Variants in UBXN8 observed in about 807,000 individuals in gnomAD.
UBXN8 encodes the protein UBX domain protein 8, also known as UBX domain-containing protein 8.
A neutral mutation model predicts 32.1 loss-of-function variants in UBXN8; 27 were observed. That is an observed-to-expected ratio of 0.84 (90% CI 0.62 to 1.16). The LOEUF (loss-of-function observed/expected upper bound fraction) is 1.16, where lower values mean the gene tolerates loss of function less well. Among genes scored for constraint, UBXN8 ranks in the 50% most tolerant of loss-of-function variants. The pLI, the probability that UBXN8 is intolerant of heterozygous loss-of-function variation, is 0.00. For missense variants in UBXN8, 306 were observed against 311.4 expected (o/e 0.98, Z 0.13); for synonymous variants, 109 against 111.8 (o/e 0.98, Z 0.16).
chr8:30,749,524 T>A (rs554823218), intron 1 of UBXN8, among the ~76,000 whole-genome samples: 25 of 151,994 alleles, frequency 1.6e-4, no homozygotes, highest in Admixed American at 3.9e-4. Context: ...AAGCACACAG[T>A]TGCACAATTT....
In UBXN8 at chr8:30,749,405, T is replaced by A. The variant is rs12335062; in HGVS notation, c.89-1991T>A. Among the ~76,000 whole-genome samples, 954 of 136,296 alleles carry A rather than the reference T, an allele frequency of 7.0e-3. 16 individuals are homozygous for A. Among genetic ancestry groups the A allele is most frequent in the African/African-American group, 0.024 (806 of 34,142 alleles). The allele number at this position is 136,296 out of a possible 152,430, so 89.4% of individuals were successfully genotyped here. A position where few individuals can be genotyped will look rare whatever the true frequency, so the allele number is the denominator to read the frequency against. On this transcript the variant is annotated intron_variant, in intron 1 of 7. Transcript: ENST00000265616. ...GAGGCTCCGTCTCAAAAAAAAAAAA[T>A]AAAATAAATAAATAAATAAATAGAC...
At chr8:30,752,999 G>C (rs750843090) in intron 2 of UBXN8, 36 bp from the exon 3 acceptor site, 10 of 1,478,870 alleles carry the variant, frequency 6.8e-6, no homozygotes, top group Non-Finnish European at 9.0e-6. Context: ...AAGATACTTG[G>C]GAAGTAAAAA....
intron 3 of UBXN8, 78 bp downstream of exon 3, chr8:30,753,183 C>A: frequency 1.3e-5 from 18 of 1,377,906 alleles, no homozygotes; most frequent in Non-Finnish European, 1.7e-5. Context: ...AGGGCTGTTG[C>A]TTCTGTCTTG....
chr8:30,739,973 C>T (rs192252605), upstream of UBXN8, among the ~76,000 whole-genome samples: 5 of 152,212 alleles, frequency 3.3e-5, no homozygotes, highest in Admixed American at 2.0e-4. Context: ...ACAAACACAG[C>T]TTACTGCAGC....
upstream of UBXN8, among the ~76,000 whole-genome samples, chr8:30,743,535 T>C (rs183908364): frequency 3.2e-3 from 484 of 152,286 alleles, 2 homozygotes; most frequent in African/African-American, 0.011. Context: ...TGGTGAGTTA[T>C]AGGACGGCAA....
At chr8:30,744,080 G>C, upstream of UBXN8, 1 of 918,750 alleles carries the variant, frequency 1.1e-6, no homozygotes, top group South Asian at 1.5e-5. Context: ...TATTTACCAC[G>C]TTATTGACCC....
chr8:30,738,310 G>GT (rs1197930595), intron 1 of UBXN8, among the ~76,000 whole-genome samples: 2 of 152,098 alleles, frequency 1.3e-5, no homozygotes, highest in Non-Finnish European at 2.9e-5. Context: ...GAGCCTAGGA[G>GT]TTTGAGACCA....
intron 7 of UBXN8, among the ~76,000 whole-genome samples, chr8:30,763,876 A>C (rs188715656): frequency 6.6e-6 from 1 of 152,180 alleles, no homozygotes; most frequent in East Asian, 1.9e-4. Flanking sequence ...CTGTAATCCC[A>C]CCTACTCGGG....
In UBXN8 at chr8:30,735,811, C is replaced by G. The variant is rs139289961; in HGVS notation, c.622+2503C>G. ...CTGAGATCACACTACCGCACCCCAG[C>G]CTGGGGGACAGAGTGAGACTCCGTT... On this transcript the variant is annotated intron_variant, in intron 1 of 1. Transcript: ENST00000522968. 2.7e-3 allele frequency among the ~76,000 whole-genome samples: 405 copies of G among 152,336 alleles called. 4 individuals are homozygous for G. The highest frequency in any genetic ancestry group is 9.3e-3 in the African/African-American group (388 of 41,586).
chr8:30,761,326 C>G (rs564238079), intron 6 of UBXN8, among the ~76,000 whole-genome samples: 4 of 152,010 alleles, frequency 2.6e-5, no homozygotes, highest in Non-Finnish European at 4.4e-5. Flanking sequence ...CTCACTGCAG[C>G]GTCCGCCTCC....
chr8:30,758,894 G>T (rs55891210), intron 5 of UBXN8, among the ~76,000 whole-genome samples: 114,630 of 121,800 alleles, frequency 0.94, 54,081 homozygotes, highest in Non-Finnish European at 0.98. Flanking sequence ...TGTTTTTTTT[G>T]TTTTTTTTTT....
intron 1 of UBXN8, among the ~76,000 whole-genome samples, chr8:30,737,185 G>C (rs1470963938): frequency 6.6e-6 from 1 of 150,722 alleles, no homozygotes; most frequent in Non-Finnish European, 1.5e-5. Flanking sequence ...TGTCATTTCT[G>C]GGTCTGTTTC....
intron 3 of UBXN8, 146 bp from the exon 4 acceptor site, chr8:30,754,519 C>A: frequency 8.7e-7 from 1 of 1,144,264 alleles, no homozygotes; most frequent in Non-Finnish European, 1.2e-6. Flanking sequence ...CGAGCCTCCC[C>A]ACAACCAAGC....
At chr8:30,749,628 CAG>C (rs1805466528) in intron 1 of UBXN8, among the ~76,000 whole-genome samples, 5 of 140,174 alleles carry the variant, frequency 3.6e-5, no homozygotes, top group African/African-American at 5.3e-5. Flanking sequence ...TTTTTTGAGA[CAG>C]AGTCTCTCTC....
chr8:30,739,124 G>T (rs1331863016), intron 1 of UBXN8, among the ~76,000 whole-genome samples: 1 of 150,844 alleles, frequency 6.6e-6, no homozygotes, highest in Non-Finnish European at 1.5e-5. Context: ...GTTGATGGTG[G>T]TGAGGGTAGA....
chr8:30,752,427 C>T (rs1021652499), intron 2 of UBXN8, among the ~76,000 whole-genome samples: 11 of 152,178 alleles, frequency 7.2e-5, no homozygotes, highest in African/African-American at 1.9e-4. Context: ...CTCGCCTCAG[C>T]TTCCCGAGTA....
upstream of UBXN8, among the ~76,000 whole-genome samples, chr8:30,740,096 G>A (rs895099461): frequency 3.3e-4 from 30 of 89,786 alleles, no homozygotes; most frequent in Admixed American, 2.4e-3. Flanking sequence ...TTGTAGAGAT[G>A]GGGTCTCACC....
chr8:30,744,391 C>G (rs1450206528), intron 1 of UBXN8, 114 bp downstream of exon 1: 20 of 1,012,838 alleles, frequency 2.0e-5, no homozygotes, highest in Non-Finnish European at 2.7e-5. Context: ...GACTACAACT[C>G]CCAGACTGCA....
At chr8:30,759,776 G>GGC (rs1563565043) in intron 5 of UBXN8, among the ~76,000 whole-genome samples, 1 of 150,710 alleles carries the variant, frequency 6.6e-6, no homozygotes, top group Non-Finnish European at 1.5e-5. Flanking sequence ...CTAACACGGG[G>GGC]AAACCCTATC....
Sources: gnomAD v4.1 joint callset for allele counts (sites outside exome capture counted in the v4.1 genomes callset) on GRCh38, gnomAD v4.1.1 for gene constraint, MANE v1.5 for transcripts, NCBI Gene and HGNC (gene_info 2026-07-23, HGNC 2026-07-21) for gene names.